The following ARHGEF10L variants were observed in gnomAD, a reference collection of about 807,000 sequenced individuals.
ARHGEF10L encodes Rho guanine nucleotide exchange factor 10 like.
Under a neutral mutation model 141.2 loss-of-function variants are expected in ARHGEF10L, and 69 were observed. The ratio of observed to expected loss-of-function variants is 0.49; its 90% CI spans 0.40 to 0.60. The LOEUF (loss-of-function observed/expected upper bound fraction) is 0.60. Ranked by LOEUF, ARHGEF10L falls within the 20% of genes least tolerant of loss-of-function variation. The probability of loss-of-function intolerance (pLI) is 0.00; values close to 1 mark genes in which losing one functional copy is unlikely to be tolerated. For synonymous variants in ARHGEF10L, 711 were observed against 718.5 expected (o/e 0.99, Z 0.17); for missense variants, 1,482 against 1,734.3 (o/e 0.85, Z 2.58).
At chr1:17,610,537 T>A (rs2059494186) in intron 7 of ARHGEF10L, among the ~76,000 whole-genome samples, 2 of 152,186 alleles carry the variant, frequency 1.3e-5, no homozygotes, top group Non-Finnish European at 2.9e-5. Context: ...GGGCTTTTCC[T>A]CTGGTACCCA....
intron 25 of ARHGEF10L, among the ~76,000 whole-genome samples, chr1:17,664,072 G>A (rs2062812893): frequency 6.6e-6 from 1 of 152,186 alleles, no homozygotes; most frequent in Non-Finnish European, 1.5e-5. Context: ...GGCGAGACCT[G>A]TGTCTGATTC....
intron 21 of ARHGEF10L, among the ~76,000 whole-genome samples, chr1:17,647,200 T>C (rs749026004): frequency 5.9e-5 from 9 of 152,142 alleles, no homozygotes; most frequent in South Asian, 4.1e-4. Flanking sequence ...GAATTCAGTC[T>C]TGGGTGTCAG....
chr1:17,678,626 C>A (rs901491401), intron 26 of ARHGEF10L, among the ~76,000 whole-genome samples: 1 of 152,094 alleles, frequency 6.6e-6, no homozygotes, highest in Non-Finnish European at 1.5e-5. Flanking sequence ...ACCACGTTGG[C>A]CAGGCTGGTT....
chr1:17,659,226 T>C (rs1221730954), intron 25 of ARHGEF10L, among the ~76,000 whole-genome samples: 4 of 152,106 alleles, frequency 2.6e-5, no homozygotes, highest in Non-Finnish European at 1.5e-5. Flanking sequence ...GCTCTCCCAG[T>C]GAACCTACTC....
At position 17,607,837 on chromosome 1, in the gene ARHGEF10L, C is replaced by CG; in HGVS notation, c.472dup (p.Ala158GlyfsTer16). The CG allele has an allele frequency of 6.3e-7, 1 of 1,592,086 alleles. No individual in the cohort carries two copies. Among genetic ancestry groups the CG allele is most frequent in the Non-Finnish European group, 8.5e-7 (1 of 1,170,294 alleles). On this transcript the variant is annotated frameshift_variant, in exon 7 of 29. Coordinates refer to ENST00000361221, the MANE Select transcript of ARHGEF10L (RefSeq NM_018125.4). LOFTEE classifies it high-confidence loss of function. The surrounding 1 kb of genome is among the most constrained non-coding windows in gnomAD (Gnocchi z 4.5). Reference sequence around the variant, plus strand: ...GAACCTGCTCTACGAGGATGCGCACCGGGCTGGGGCCCCTCGGCAGGCGGA... The same window carrying CG: ...GAACCTGCTCTACGAGGATGCGCACCGGGGCTGGGGCCCCTCGGCAGGCGGA...
In ARHGEF10L at chr1:17,638,100, C is replaced by A. The variant is rs948399729; in HGVS notation, c.2043+97C>A. On this transcript the variant is annotated intron_variant, in intron 19 of 28. Transcript: ENST00000361221. The stretch of plus-strand genomic sequence containing the variant: ...GTAGGGAGGGGCTCCTCTCCTGGCC[C>A]ATGTCCCCGATGTGCTCCTAGCTTC... 3 of 1,103,202 alleles carry A rather than the reference C, an allele frequency of 2.7e-6. No individual in the cohort carries two copies. The East Asian group carries it at 7.9e-5, about 29-fold the overall frequency. The allele number at this position is 1,103,202 out of a possible 1,614,324, so 68.3% of individuals were successfully genotyped here.
At chr1:17,686,414 T>C (rs2064603066) in intron 26 of ARHGEF10L, among the ~76,000 whole-genome samples, 1 of 152,166 alleles carries the variant, frequency 6.6e-6, no homozygotes, top group Admixed American at 6.5e-5. Flanking sequence ...GTCCTTGGAG[T>C]CCACAGTCTT....
At chr1:17,582,074 T>G (rs1377729264) in intron 2 of ARHGEF10L, among the ~76,000 whole-genome samples, 2 of 152,156 alleles carry the variant, frequency 1.3e-5, no homozygotes, top group Non-Finnish European at 2.9e-5. Context: ...TTCCTTCAGC[T>G]CTCAGCTGTG....
intron 18 of ARHGEF10L, among the ~76,000 whole-genome samples, chr1:17,636,956 C>T (rs1050752485): frequency 6.6e-6 from 1 of 152,074 alleles, no homozygotes; most frequent in African/African-American, 2.4e-5. Flanking sequence ...TCTCTACCTG[C>T]CACCCCCTAC....
the ARHGEF10L span, among the ~76,000 whole-genome samples, chr1:17,517,304 A>T: frequency 6.6e-6 from 1 of 152,228 alleles, no homozygotes; most frequent in South Asian, 2.1e-4. Flanking sequence ...GCTTATATGA[A>T]ATTATGTATG....
At chr1:17,593,880 G>A (rs578255142) in intron 4 of ARHGEF10L, among the ~76,000 whole-genome samples, 124 of 151,710 alleles carry the variant, frequency 8.2e-4, no homozygotes, top group Admixed American at 1.9e-3. Flanking sequence ...TCACTTGTCT[G>A]TGGGGCTGGG....
At chr1:17,605,354 A>G (rs575491352) in intron 6 of ARHGEF10L, among the ~76,000 whole-genome samples, 70 of 152,268 alleles carry the variant, frequency 4.6e-4, no homozygotes, top group Non-Finnish European at 8.2e-4. Flanking sequence ...CAGTTGACCC[A>G]TCTGTAGAAC....
intron 4 of ARHGEF10L, among the ~76,000 whole-genome samples, chr1:17,593,652 C>T (rs76827431): frequency 0.016 from 2,447 of 152,218 alleles, 19 homozygotes; most frequent in South Asian, 0.026. Flanking sequence ...GCTGAAACCT[C>T]GCTTTTAGTG....
chr1:17,654,679 GT>G lies in ARHGEF10L; in HGVS notation c.2441del (p.Phe814SerfsTer31). The G allele has an allele frequency of 6.2e-7, 1 of 1,614,216 alleles. No homozygotes were observed. The highest frequency in any genetic ancestry group is 8.5e-7 in the Non-Finnish European group (1 of 1,180,046). ...VHSPVNCPLL[G>X]FSAVSTSLPQ... ...AGTCCTGTCAACTGTCCCCTGCTGG[GT>G]TTCTCAGCAGTCAGCACCTCCCTTC... On this transcript the variant is annotated frameshift_variant, in exon 23 of 29. Coordinates refer to ENST00000361221, the MANE Select transcript of ARHGEF10L (RefSeq NM_018125.4). LOFTEE classifies it high-confidence loss of function. The surrounding 1 kb of genome is among the most constrained non-coding windows in gnomAD (Gnocchi z 4.3).
chr1:17,676,632 C>T (rs951505212), intron 26 of ARHGEF10L, among the ~76,000 whole-genome samples: 2 of 151,952 alleles, frequency 1.3e-5, no homozygotes, highest in Admixed American at 6.6e-5. Context: ...ATGAGGCAGA[C>T]GTGATAGAAC....
intron 21 of ARHGEF10L, among the ~76,000 whole-genome samples, chr1:17,641,225 G>T (rs2061312222): frequency 6.6e-6 from 1 of 152,236 alleles, no homozygotes; most frequent in Non-Finnish European, 1.5e-5. Context: ...TATTCCCTAT[G>T]ATGTACTACA....
At chr1:17,655,437 GTCCATCCATCCATCCATCCA>G (rs55790600) in intron 23 of ARHGEF10L, among the ~76,000 whole-genome samples, 1 of 148,478 alleles carries the variant, frequency 6.7e-6, no homozygotes, top group Non-Finnish European at 1.5e-5. Context: ...TCTATCATCT[GTCCATCCATCCATCCATCCA>G]TCCATCCATC....
intron 27 of ARHGEF10L, among the ~76,000 whole-genome samples, chr1:17,692,572 A>G (rs1157735038): frequency 6.6e-6 from 1 of 152,030 alleles, no homozygotes; most frequent in African/African-American, 2.4e-5. Context: ...TGCTCCAAAC[A>G]GGTCTAAAAC....
At position 17,656,078 on chromosome 1, in the gene ARHGEF10L, T is replaced by C; in HGVS notation, c.2681T>C (p.Ile894Thr). The C allele has an allele frequency of 3.2e-6, 5 of 1,555,666 alleles. No individual in the cohort carries two copies. The highest frequency in any genetic ancestry group is 4.3e-6 in the Non-Finnish European group (5 of 1,149,714). ...ADPSATVHPT[I>T]CLGLQDGSIL... ...CCCTCGGCCACGGTGCATCCAACCA[T>C]CTGCCTCGGGCTCCAGGATGGCAGG... Residue 894 changes from isoleucine to threonine, a missense_variant, in exon 24 of 29, where the codon ATC (isoleucine) becomes ACC (threonine). Physicochemically the swap from Ile to Thr is moderately conservative, Grantham distance 89. This residue lies in a region of ARHGEF10L where 858 missense variants were observed against 966.3 expected (regional missense o/e 0.89). Transcript: ENST00000361221. This position sits in a 1 kb window ranked among gnomAD's most constrained non-coding sequence, Gnocchi z 4.9.
Sources: allele counts gnomAD v4.1 joint callset (sites outside exome capture counted in the v4.1 genomes callset), GRCh38; gene constraint gnomAD v4.1.1; regional missense constraint gnomAD v4.1.1; non-coding constraint Gnocchi (gnomAD v3.1); transcripts MANE v1.5; gene names NCBI Gene and HGNC (gene_info 2026-07-23, HGNC 2026-07-21).